ATP9B: variants seen among roughly 807,000 people sequenced by gnomAD.
ATP9B encodes ATPase phospholipid transporting 9B.
Under a neutral mutation model 146.1 loss-of-function variants are expected in ATP9B, and 110 were observed. The ratio of observed to expected loss-of-function variants is 0.75; its 90% CI spans 0.65 to 0.88. ATP9B has a LOEUF of 0.88. ATP9B is among the 40% of genes least tolerant of loss of function. The pLI is 0.00. For missense variants in ATP9B, 1,499 were observed against 1,496.4 expected, an observed-to-expected ratio of 1.00 and a Z score of -0.03; for synonymous variants, 604 against 569.7, an observed-to-expected ratio of 1.06 and a Z score of -0.86.
At chr18:79,331,238 C>G (rs575299300) in intron 17 of ATP9B, among the ~76,000 whole-genome samples, 1 of 152,252 alleles carries the variant, frequency 6.6e-6, no homozygotes, top group African/African-American at 2.4e-5. Flanking sequence ...CCTCCACACC[C>G]CAGTGTTCGC....
rs750156893 is a variant in ATP9B, at chr18:79,069,444, A to G, written c.34A>G (p.Ser12Gly). Residue 12 changes from serine (S) to glycine (G), a missense_variant, in exon 1 of 30, where the codon AGC (serine) becomes GGC (glycine). Ser to Gly is a moderately conservative substitution (Grantham distance 56). Coordinates refer to ENST00000426216, the MANE Select transcript of ATP9B (RefSeq NM_198531.5). ...ADQIPLYPVR[S>G]AAAAAANRKR... ...CCAGATCCCGCTTTACCCGGTGCGT[A>G]GCGCAGCGGCGGCCGCAGCCAACCG... 3.9e-6 allele frequency: 6 copies of G among 1,519,170 alleles called. No individual in the cohort carries two copies. In the African/African-American group the frequency reaches 5.7e-5, roughly 15 times the overall value. The allele number at this position is 1,519,170 out of a possible 1,614,324, so 94.1% of individuals were successfully genotyped here.
At chr18:79,160,285 G>C (rs1198792968) in intron 7 of ATP9B, among the ~76,000 whole-genome samples, 2 of 152,202 alleles carry the variant, frequency 1.3e-5, no homozygotes, top group Non-Finnish European at 2.9e-5. Context: ...ATTCTTTCAA[G>C]TCCGGTTATT....
At chr18:79,230,572 A>G (rs1056212261) in intron 11 of ATP9B, among the ~76,000 whole-genome samples, 1 of 152,236 alleles carries the variant, frequency 6.6e-6, no homozygotes, top group African/African-American at 2.4e-5. Context: ...GAAATCATAG[A>G]TGACACAGAC....
chr18:79,235,903 T>C (rs745664394), intron 11 of ATP9B, among the ~76,000 whole-genome samples: 67 of 152,186 alleles, frequency 4.4e-4, no homozygotes, highest in Non-Finnish European at 7.5e-4. Context: ...TTCTACATCT[T>C]TGATCTCTGG....
intron 13 of ATP9B, among the ~76,000 whole-genome samples, chr18:79,289,655 G>A (rs914734053): frequency 9.2e-5 from 14 of 152,176 alleles, no homozygotes; most frequent in African/African-American, 2.7e-4. Context: ...TTGCTGGTGC[G>A]GAACTGTGTT....
At chr18:79,301,417 A>G (rs1241401655) in intron 13 of ATP9B, among the ~76,000 whole-genome samples, 1 of 152,206 alleles carries the variant, frequency 6.6e-6, no homozygotes, top group African/African-American at 2.4e-5. Flanking sequence ...GCTTGAACCC[A>G]GGAGGCAGAG....
intron 11 of ATP9B, among the ~76,000 whole-genome samples, chr18:79,226,687 A>G (rs2095738151): frequency 6.6e-6 from 1 of 152,210 alleles, no homozygotes; most frequent in African/African-American, 2.4e-5. Context: ...GGGACAGCCT[A>G]CACAAGAAGC....
intron 11 of ATP9B, among the ~76,000 whole-genome samples, chr18:79,226,248 A>G (rs1403231625): frequency 6.6e-6 from 1 of 152,162 alleles, no homozygotes. Context: ...AAAGATTCCC[A>G]TTGCTCTGTG....
Position 79,245,734 on chromosome 18 carries a change from A to G in ATP9B, c.1108-7647A>G, listed in dbSNP as rs77134446. On this transcript the variant is annotated intron_variant, in intron 11 of 29. Coordinates refer to ENST00000426216, the MANE Select transcript of ATP9B (RefSeq NM_198531.5). Reference sequence around the variant, plus strand: ...TACCGCCCTACTGACTGTGTGGAGGACACCGCCCTGCTGACTGAGGAGGGC... The same window carrying G: ...TACCGCCCTACTGACTGTGTGGAGGGCACCGCCCTGCTGACTGAGGAGGGC... 4.4e-3 allele frequency among the ~76,000 whole-genome samples: 491 copies of G among 110,914 alleles called. 5 individuals carry two copies. The highest frequency in any genetic ancestry group is 0.014 in the African/African-American group (411 of 29,388). 72.8% of individuals were successfully genotyped at this position (110,914 alleles called of 152,430 possible).
chr18:79,138,863 G>A (rs1363605162), intron 5 of ATP9B, among the ~76,000 whole-genome samples: 1 of 150,344 alleles, frequency 6.7e-6, no homozygotes, highest in African/African-American at 2.4e-5. Context: ...GAGCTCAGGA[G>A]TTTGAGACCA....
At chr18:79,106,443 T>A (rs1180872824) in intron 2 of ATP9B, among the ~76,000 whole-genome samples, 8 of 152,204 alleles carry the variant, frequency 5.3e-5, no homozygotes, top group Admixed American at 5.2e-4. Context: ...TGCCTTTTAC[T>A]GCTAGCATGG....
At chr18:79,151,800 G>T (rs2094694611) in intron 6 of ATP9B, among the ~76,000 whole-genome samples, 1 of 151,082 alleles carries the variant, frequency 6.6e-6, no homozygotes, top group African/African-American at 2.4e-5. Context: ...GTATACACAT[G>T]CCATGGTGGT....
chr18:79,136,179 T>A (rs2094445710), intron 5 of ATP9B, among the ~76,000 whole-genome samples: 1 of 152,252 alleles, frequency 6.6e-6, no homozygotes, highest in South Asian at 2.1e-4. Context: ...GTGTATTATT[T>A]GGCTTACCAA....
At chr18:79,174,723 A>G (rs1293486447) in intron 7 of ATP9B, among the ~76,000 whole-genome samples, 1 of 152,216 alleles carries the variant, frequency 6.6e-6, no homozygotes, top group Non-Finnish European at 1.5e-5. Context: ...GTTAACTGGT[A>G]GGTGGATCTA....
At chr18:79,195,766 A>G (rs544226982) in intron 9 of ATP9B, among the ~76,000 whole-genome samples, 1 of 152,326 alleles carries the variant, frequency 6.6e-6, no homozygotes, top group African/African-American at 2.4e-5. Context: ...TGGGGGATGC[A>G]CAGTAAGAGA....
chr18:79,107,236 A>G (rs969364720), intron 2 of ATP9B, among the ~76,000 whole-genome samples: 1 of 152,230 alleles, frequency 6.6e-6, no homozygotes, highest in African/African-American at 2.4e-5. Flanking sequence ...AACTCACTGT[A>G]GTAATGGAAT....
intron 20 of ATP9B, among the ~76,000 whole-genome samples, chr18:79,343,472 A>G (rs906327255): frequency 2.0e-5 from 3 of 152,216 alleles, no homozygotes; most frequent in African/African-American, 4.8e-5. Context: ...AAAACAAATG[A>G]TATTTCAAGA....
chr18:79,278,397 A>G lies in ATP9B; in HGVS notation c.1411+1201A>G, dbSNP rs188409591. Among the ~76,000 whole-genome samples, 20 of 152,318 alleles carry G rather than the reference A, an allele frequency of 1.3e-4. No homozygotes were observed. The East Asian group carries it at 3.7e-3, about 28-fold the overall frequency. On this transcript the variant is annotated intron_variant, in intron 13 of 29. Transcript: ENST00000426216. The stretch of plus-strand genomic sequence containing the variant: ...TTCTTTCACTTTCAATACGGTGTTC[A>G]AGAAATCACATGGGATATTCTTTGT...
At chr18:79,364,988 C>T (rs939300416) in intron 26 of ATP9B, among the ~76,000 whole-genome samples, 2 of 151,932 alleles carry the variant, frequency 1.3e-5, no homozygotes, top group Admixed American at 6.6e-5. Context: ...TGTGATTGAG[C>T]CACTGCACTC....
Sources: gnomAD v4.1 joint callset for allele counts (sites outside exome capture counted in the v4.1 genomes callset) on GRCh38, gnomAD v4.1.1 for gene constraint, MANE v1.5 for transcripts, NCBI Gene and HGNC (gene_info 2026-07-23, HGNC 2026-07-21) for gene names.